Variants in ARHGAP10 observed in about 807,000 individuals in gnomAD.
The protein encoded by ARHGAP10 is rho GTPase-activating protein 10.
Under a neutral mutation model 108.6 loss-of-function variants are expected in ARHGAP10, and 87 were observed. The ratio of observed to expected loss-of-function variants is 0.80; its 90% CI spans 0.67 to 0.96. ARHGAP10 has a LOEUF of 0.96. Among genes scored for constraint, ARHGAP10 ranks in the 40% least tolerant of loss-of-function variants. The pLI is 0.00. For synonymous variants in ARHGAP10, 347 were observed against 341.1 expected (o/e 1.02, Z -0.19); for missense variants, 939 against 954.5 (o/e 0.98, Z 0.21).
chr4:148,051,600 C>T, intron 20 of ARHGAP10, among the ~76,000 whole-genome samples: 1 of 152,182 alleles, frequency 6.6e-6, no homozygotes, highest in East Asian at 1.9e-4. Context: ...TGCCGGCACC[C>T]TGAGATGCAT....
At chr4:147,763,746 C>CTTTT (rs35774782) in intron 1 of ARHGAP10, among the ~76,000 whole-genome samples, 8 of 93,160 alleles carry the variant, frequency 8.6e-5, no homozygotes, top group South Asian at 4.3e-4. Context: ...ATGGTGATTC[C>CTTTT]TTTTTTTTTT....
chr4:148,051,969 G>T (rs748130731), intron 20 of ARHGAP10, among the ~76,000 whole-genome samples: 5 of 152,164 alleles, frequency 3.3e-5, no homozygotes, highest in Admixed American at 1.3e-4. Context: ...CAAATTACTT[G>T]ACTGTTGGTT....
At chr4:147,854,894 A>G in intron 4 of ARHGAP10, 1 of 982,592 alleles carries the variant, frequency 1.0e-6, no homozygotes, top group African/African-American at 1.7e-5. Flanking sequence ...TTCTTCATAA[A>G]GGCTTGATGT....
intron 13 of ARHGAP10, among the ~76,000 whole-genome samples, chr4:147,921,477 A>G (rs993773361): frequency 5.3e-5 from 8 of 152,154 alleles, no homozygotes; most frequent in African/African-American, 1.7e-4. Flanking sequence ...CGGGGACAGA[A>G]GATGCCCCAG....
At chr4:147,891,626 T>C (rs1457231771) in intron 10 of ARHGAP10, among the ~76,000 whole-genome samples, 2 of 152,184 alleles carry the variant, frequency 1.3e-5, no homozygotes, top group African/African-American at 2.4e-5. Context: ...TACATCTCAA[T>C]AGAGCTATTT....
In ARHGAP10 at chr4:148,029,086, G is replaced by C. The variant is rs183581603; in HGVS notation, c.1867+5673G>C. Among the ~76,000 whole-genome samples, 7 of 152,262 alleles carry C rather than the reference G, an allele frequency of 4.6e-5. No individual in the cohort carries two copies. The East Asian group carries it at 1.3e-3, about 29-fold the overall frequency. ...GGTTTAGTAAAAAATGGTGTAGAAT[G>C]TCTTGGTATAAATAGTGTATATGGA... On this transcript the variant is annotated intron_variant, in intron 19 of 22. Transcript: ENST00000336498.
chr4:147,932,329 G>T (rs1737735109), intron 13 of ARHGAP10, among the ~76,000 whole-genome samples: 1 of 152,120 alleles, frequency 6.6e-6, no homozygotes, highest in Admixed American at 6.5e-5. Context: ...AATGTAAATT[G>T]TTTTATTATA....
intron 1 of ARHGAP10, among the ~76,000 whole-genome samples, chr4:147,733,572 A>G (rs1031021991): frequency 6.6e-6 from 1 of 152,190 alleles, no homozygotes; most frequent in Non-Finnish European, 1.5e-5. Context: ...ATTTGTTTGT[A>G]GATACCACCT....
chr4:147,887,327 TC>T (rs1365571978), intron 10 of ARHGAP10, among the ~76,000 whole-genome samples: 1 of 152,010 alleles, frequency 6.6e-6, no homozygotes, highest in Non-Finnish European at 1.5e-5. Flanking sequence ...CATTTCCTCT[TC>T]CCATCTTCTC....
chr4:148,040,255 A>G lies in ARHGAP10; in HGVS notation c.1868-6637A>G, dbSNP rs376579848. Reference sequence around the variant, plus strand: ...GGGTGGAGGGCTTCTCCCAGTCCCTATTTCCACATGAAGAGCCTGGCTGTA... The same window carrying G: ...GGGTGGAGGGCTTCTCCCAGTCCCTGTTTCCACATGAAGAGCCTGGCTGTA... On this transcript the variant is annotated intron_variant, in intron 19 of 22. Coordinates refer to ENST00000336498, the MANE Select transcript of ARHGAP10 (RefSeq NM_024605.4). 3.5e-4 allele frequency among the ~76,000 whole-genome samples: 53 copies of G among 152,258 alleles called. 1 individual carries two copies. The East Asian group carries it at 7.3e-3, about 21-fold the overall frequency.
intron 16 of ARHGAP10, 57 bp downstream of exon 16, chr4:147,955,431 C>T (rs767073378): frequency 3.7e-5 from 54 of 1,441,752 alleles, no homozygotes; most frequent in Admixed American, 2.8e-4. Context: ...TGAGCATAAA[C>T]GAAAAATTTC....
intron 4 of ARHGAP10, among the ~76,000 whole-genome samples, chr4:147,852,423 A>T (rs2126825172): frequency 6.6e-6 from 1 of 152,256 alleles, no homozygotes; most frequent in East Asian, 1.9e-4. Flanking sequence ...TTGAATTCTC[A>T]TCTCTTTAGA....
At chr4:147,911,629 T>A (rs1311843268) in intron 12 of ARHGAP10, among the ~76,000 whole-genome samples, 2 of 58,062 alleles carry the variant, frequency 3.4e-5, no homozygotes, top group East Asian at 3.9e-4. Context: ...CCCAAAGTGC[T>A]GGGATTACAG....
intron 20 of ARHGAP10, among the ~76,000 whole-genome samples, chr4:148,058,053 T>G (rs1729438453): frequency 6.6e-6 from 1 of 152,196 alleles, no homozygotes; most frequent in Non-Finnish European, 1.5e-5. Context: ...GCGTGTGGAG[T>G]TCTCCCTCTC....
rs151323800 is a variant in ARHGAP10 at position 147,921,202 on chromosome 4, G to A, written c.1228+8063G>A. Among the ~76,000 whole-genome samples, 472 of 152,306 alleles carry A rather than the reference G, an allele frequency of 3.1e-3. 2 individuals are homozygous for A. The highest frequency in any genetic ancestry group is 0.011 in the African/African-American group (444 of 41,572). On this transcript the variant is annotated intron_variant, in intron 13 of 22. Coordinates refer to ENST00000336498, the MANE Select transcript of ARHGAP10 (RefSeq NM_024605.4). Reference sequence around the variant, plus strand: ...TACCAGTCACATTTAGCAGTTGGTTGTATATAGAGGATAGGAATTCTGCAA... The same window carrying A: ...TACCAGTCACATTTAGCAGTTGGTTATATATAGAGGATAGGAATTCTGCAA...
chr4:147,757,277 C>T (rs1453298454), intron 1 of ARHGAP10, among the ~76,000 whole-genome samples: 2 of 150,826 alleles, frequency 1.3e-5, no homozygotes, highest in Non-Finnish European at 2.9e-5. Context: ...TCACTGCAAC[C>T]TCTGCCTCCC....
chr4:147,874,975 T>C, intron 7 of ARHGAP10, 46 bp from the exon 8 acceptor site: 1 of 1,479,372 alleles, frequency 6.8e-7, no homozygotes, highest in African/African-American at 1.4e-5. Context: ...ATGAGAAAAC[T>C]CATATGAGAA....
intron 13 of ARHGAP10, among the ~76,000 whole-genome samples, chr4:147,915,194 A>G (rs1307115340): frequency 1.3e-5 from 2 of 152,316 alleles, no homozygotes; most frequent in South Asian, 2.1e-4. Flanking sequence ...TTTGCCCATC[A>G]ATAACAACAA....
At chr4:148,054,760 C>T (rs1729289534) in intron 20 of ARHGAP10, among the ~76,000 whole-genome samples, 1 of 152,192 alleles carries the variant, frequency 6.6e-6, no homozygotes, top group African/African-American at 2.4e-5. Context: ...CCTACTGAGA[C>T]CCAACCACAT....
Sources: allele counts gnomAD v4.1 joint callset (sites outside exome capture counted in the v4.1 genomes callset), GRCh38; gene constraint gnomAD v4.1.1; transcripts MANE v1.5; gene names NCBI Gene and HGNC (gene_info 2026-07-23, HGNC 2026-07-21).